HTR2C: variants seen among roughly 807,000 people sequenced by gnomAD.
HTR2C encodes 5-hydroxytryptamine (serotonin) receptor 2C, G protein-coupled.
A neutral mutation model predicts 21.0 loss-of-function variants in HTR2C; 5 were observed. The observed-to-expected ratio is 0.24, with a 90% confidence interval of 0.12 to 0.50. HTR2C has a LOEUF of 0.50. HTR2C is among the 20% of genes least tolerant of loss of function. The pLI is 0.98. For missense variants in HTR2C, 271 were observed against 371.2 expected (o/e 0.73, Z 2.22); for synonymous variants, 150 against 145.3 (o/e 1.03, Z -0.23).
chrX:114,604,093 G>A (rs1171637432), intron 1 of HTR2C, among the ~76,000 whole-genome samples: 1 of 108,224 alleles, frequency 9.2e-6, no homozygotes, highest in South Asian at 4.2e-4. Flanking sequence ...AGATGGTAAG[G>A]GGTGCATGAT....
chrX:114,904,119 A>G (rs2071355777), intron 5 of HTR2C, among the ~76,000 whole-genome samples: 1 of 112,059 alleles, frequency 8.9e-6, no homozygotes, highest in Non-Finnish European at 1.9e-5. Context: ...GCAGTGGCCA[A>G]TCAGTTTTGG....
At chrX:114,775,752 G>A in intron 4 of HTR2C, 1 of 511,756 alleles carries the variant, frequency 2.0e-6, no homozygotes. Flanking sequence ...TGAATCTTGG[G>A]GATATGAGTA....
intron 4 of HTR2C, among the ~76,000 whole-genome samples, chrX:114,743,713 T>C (rs1382462844): frequency 1.8e-5 from 2 of 111,363 alleles, no homozygotes; most frequent in Non-Finnish European, 1.9e-5. Flanking sequence ...TGAACAAAAA[T>C]GGGCAATGAT....
intron 2 of HTR2C, among the ~76,000 whole-genome samples, chrX:114,677,022 A>C (rs1293136831): frequency 8.9e-6 from 1 of 112,123 alleles, no homozygotes; most frequent in African/African-American, 3.2e-5. Context: ...GAGGCATAAA[A>C]GTGTTTAACA....
chrX:114,728,826 G>A (rs1204044098), intron 3 of HTR2C, among the ~76,000 whole-genome samples: 2 of 111,354 alleles, frequency 1.8e-5, no homozygotes, highest in Non-Finnish European at 3.8e-5. Context: ...AATTTGTCCT[G>A]TACCCCTCTA....
At chrX:114,724,386 T>C (rs1428669022) in intron 2 of HTR2C, among the ~76,000 whole-genome samples, 1 of 102,855 alleles carries the variant, frequency 9.7e-6, no homozygotes, top group Non-Finnish European at 2.0e-5. Context: ...TCCTCCATCC[T>C]TTTATTTTGA....
chrX:114,605,384 G>T (rs1489869266), intron 1 of HTR2C, among the ~76,000 whole-genome samples: 3 of 110,237 alleles, frequency 2.7e-5, no homozygotes, highest in East Asian at 5.7e-4. Context: ...GAGGTCAGAT[G>T]GGTCTGTAGA....
chrX:114,665,383 G>T (rs1002492913), intron 2 of HTR2C, among the ~76,000 whole-genome samples: 16 of 111,842 alleles, frequency 1.4e-4, no homozygotes, highest in African/African-American at 5.2e-4. Context: ...CAATGGACTG[G>T]CATAATTTTT....
At chrX:114,760,040 T>C (rs2069850884) in intron 4 of HTR2C, among the ~76,000 whole-genome samples, 1 of 111,793 alleles carries the variant, frequency 8.9e-6, no homozygotes, top group Admixed American at 9.6e-5. Flanking sequence ...ACCCTCACTT[T>C]GGAAATTGGC....
intron 5 of HTR2C, among the ~76,000 whole-genome samples, chrX:114,898,128 G>C (rs1350591182): frequency 8.9e-6 from 1 of 112,522 alleles, no homozygotes. Context: ...ATCTCATTGT[G>C]GTTTTGATTT....
chrX:114,649,158 A>G (rs1232648481), intron 2 of HTR2C, among the ~76,000 whole-genome samples: 2 of 111,937 alleles, frequency 1.8e-5, no homozygotes, highest in African/African-American at 6.5e-5. Flanking sequence ...CATGACAATT[A>G]TAGTACTAAA....
At chrX:114,633,803 A>G (rs1212736272) in intron 2 of HTR2C, among the ~76,000 whole-genome samples, 2 of 109,322 alleles carry the variant, frequency 1.8e-5, no homozygotes, top group African/African-American at 6.6e-5. Context: ...ATATGTGTGA[A>G]TGTACACATA....
At chrX:114,834,503 A>G (rs1272336462) in intron 4 of HTR2C, among the ~76,000 whole-genome samples, 4 of 110,907 alleles carry the variant, frequency 3.6e-5, no homozygotes, top group Non-Finnish European at 7.6e-5. Context: ...AGTCTGTTTT[A>G]TCAGAGACTA....
intron 2 of HTR2C, among the ~76,000 whole-genome samples, chrX:114,633,947 T>TATATATATATATAG (rs201763901): frequency 1.1e-5 from 1 of 92,195 alleles, no homozygotes; most frequent in Admixed American, 1.3e-4. Flanking sequence ...TATATATATA[T>TATATATATATATAG]AGAGAGAGAG....
rs2069881238 is a variant in HTR2C at position 114,761,996 on chromosome X, A to ATACGTGTATATATACTATTTG, written c.349+30392_349+30393insGTGTATATATACTATTTGTAC. Among the ~76,000 whole-genome samples the ATACGTGTATATATACTATTTG allele has an allele frequency of 4.9e-4, 3 of 6,183 alleles. 1 individual carries two copies. The highest frequency in any genetic ancestry group is 6.7e-4 in the Non-Finnish European group (2 of 3,004). The allele number at this position is 6,183 out of a possible 115,157, so 5.4% of individuals were successfully genotyped here. A position where few individuals can be genotyped will look rare whatever the true frequency, so the allele number is the denominator to read the frequency against. Reference sequence around the variant, plus strand: ...ATATATACGTGTATATATACTATATATACACATATATATAGTATATATACT... The same window carrying ATACGTGTATATATACTATTTG: ...ATATATACGTGTATATATACTATATATACGTGTATATATACTATTTGTACACATATATATAGTATATATACT... On this transcript the variant is annotated intron_variant, in intron 4 of 5. Coordinates refer to ENST00000276198, the MANE Select transcript of HTR2C (RefSeq NM_000868.4).
At chrX:114,795,838 T>A in intron 4 of HTR2C, among the ~76,000 whole-genome samples, 1 of 111,466 alleles carries the variant, frequency 9.0e-6, no homozygotes, top group Non-Finnish European at 1.9e-5. Context: ...GAGGCTATCC[T>A]GGATCTACGT....
chrX:114,860,539 C>A (rs1366153968), intron 5 of HTR2C, among the ~76,000 whole-genome samples: 2 of 110,790 alleles, frequency 1.8e-5, no homozygotes, highest in Non-Finnish European at 3.8e-5. Context: ...TTAATATAAT[C>A]TGAAAGTATT....
chrX:114,781,334 A>G (rs1314358375), intron 4 of HTR2C, among the ~76,000 whole-genome samples: 2 of 110,693 alleles, frequency 1.8e-5, no homozygotes, highest in African/African-American at 6.6e-5. Flanking sequence ...AAAAAAATTA[A>G]AAAATAAAAA....
chrX:114,803,936 C>T (rs1002346295), intron 4 of HTR2C, among the ~76,000 whole-genome samples: 1 of 111,692 alleles, frequency 9.0e-6, no homozygotes, highest in African/African-American at 3.3e-5. Flanking sequence ...TATTCACCTG[C>T]CTTTTCAAAT....
Sources: allele counts gnomAD v4.1 joint callset (sites outside exome capture counted in the v4.1 genomes callset), GRCh38; gene constraint gnomAD v4.1.1; transcripts MANE v1.5; gene names NCBI Gene and HGNC (gene_info 2026-07-23, HGNC 2026-07-21).